The following CYB5RL variants were observed in gnomAD, a reference collection of about 807,000 sequenced individuals.
CYB5RL encodes the protein NADH-cytochrome b5 reductase-like.
A neutral mutation model predicts 37.5 loss-of-function variants in CYB5RL; 38 were observed. That is an observed-to-expected ratio of 1.01 (90% CI 0.78 to 1.33). The LOEUF (loss-of-function observed/expected upper bound fraction) is 1.33. Among genes scored for constraint, CYB5RL ranks in the 40% most tolerant of loss-of-function variants. CYB5RL has a pLI of 0.00. For missense variants in CYB5RL, 388 were observed against 394.4 expected, an observed-to-expected ratio of 0.98 and a Z score of 0.14; for synonymous variants, 141 against 151.9, an observed-to-expected ratio of 0.93 and a Z score of 0.53.
At chr1:54,180,608 A>C (rs891760650) in intron 6 of CYB5RL, among the ~76,000 whole-genome samples, 1 of 142,344 alleles carries the variant, frequency 7.0e-6, no homozygotes, top group Non-Finnish European at 1.5e-5. Flanking sequence ...CGTCTCAAAG[A>C]AAAAAAAAAA....
Position 54,174,582 on chromosome 1 carries a change from C to T in CYB5RL, c.*37G>A. The T allele has an allele frequency of 6.4e-7, 1 of 1,572,944 alleles. No homozygotes were observed. Among genetic ancestry groups the T allele is most frequent in the South Asian group, 1.2e-5 (1 of 85,772 alleles). On this transcript the variant is annotated 3_prime_UTR_variant, in exon 8 of 8. Coordinates refer to ENST00000534324, the MANE Select transcript of CYB5RL (RefSeq NM_001031672.4). ...TGTGCTCCTTCCTGGGTCCCAGTAG[C>T]AGGCTCATGGCCTAGGCTTTGGAAG...
rs572712747 is a variant in CYB5RL at position 54,197,920 on chromosome 1, C to T, written c.-222-1429G>A. Among the ~76,000 whole-genome samples the T allele has an allele frequency of 6.4e-3, 939 of 147,762 alleles. 9 individuals carry two copies. The highest frequency in any genetic ancestry group is 0.022 in the African/African-American group (892 of 39,862). ...GTGGGCACCCGTAGTCCCAGCTACT[C>T]GGGAGGCTGAGGCAGGAGAATGGCG... is the stretch of plus-strand genomic sequence containing the variant. On this transcript the variant is annotated intron_variant, in intron 1 of 7. Transcript: ENST00000534324.
intron 6 of CYB5RL, among the ~76,000 whole-genome samples, chr1:54,181,757 G>A (rs942738216): frequency 1.3e-5 from 2 of 152,180 alleles, no homozygotes; most frequent in Non-Finnish European, 2.9e-5. Flanking sequence ...TTTGAGACCA[G>A]CCTGGGCAAC....
At chr1:54,180,310 T>A in intron 6 of CYB5RL, 1 of 376,174 alleles carries the variant, frequency 2.7e-6, no homozygotes, top group Non-Finnish European at 5.1e-6. Flanking sequence ...CTGAATCTAT[T>A]TCCAGGCTCT....
chr1:54,198,016 A>G (rs1473306290), intron 1 of CYB5RL, among the ~76,000 whole-genome samples: 1 of 125,204 alleles, frequency 8.0e-6, no homozygotes, highest in African/African-American at 3.2e-5. Flanking sequence ...TGACAGAGTG[A>G]GACTCTGTCT....
At chr1:54,177,980 G>A (rs1054885828) in intron 7 of CYB5RL, among the ~76,000 whole-genome samples, 16 of 152,210 alleles carry the variant, frequency 1.1e-4, no homozygotes, top group Admixed American at 6.5e-4. Flanking sequence ...CAGGCTCTCA[G>A]GCAGGCTGCC....
chr1:54,184,350 C>A, intron 5 of CYB5RL, 85 bp from the exon 6 acceptor site: 1 of 1,142,960 alleles, frequency 8.7e-7, no homozygotes, highest in Non-Finnish European at 1.3e-6. Flanking sequence ...GGAGCCCGTT[C>A]TGTATGCTAA....
At chr1:54,179,059 T>C in intron 7 of CYB5RL, 90 bp downstream of exon 7, 1 of 1,457,128 alleles carries the variant, frequency 6.9e-7, no homozygotes, top group Non-Finnish European at 9.4e-7. Flanking sequence ...CAGCATCCAT[T>C]GCCAAAAGAG....
intron 3 of CYB5RL, among the ~76,000 whole-genome samples, chr1:54,192,845 T>C (rs973519292): frequency 6.6e-6 from 1 of 151,714 alleles, no homozygotes; most frequent in African/African-American, 2.4e-5. Context: ...AACCTCCACC[T>C]CCTGGTTCAA....
rs369076808 is a variant in CYB5RL at position 54,179,276 on chromosome 1, T to C, written c.617A>G (p.Asn206Ser). 24 of 1,613,774 alleles carry C rather than the reference T, an allele frequency of 1.5e-5. No individual in the cohort carries two copies. Among genetic ancestry groups the C allele is most frequent in the Non-Finnish European group, 1.7e-5 (20 of 1,179,858 alleles). The change falls in exon 7 of 8, where the codon AAT (asparagine) becomes AGT (serine). Residue 206 changes from asparagine (N) to serine (S), a missense_variant. Asn to Ser is a conservative substitution (Grantham distance 46). Coordinates refer to ENST00000534324, the MANE Select transcript of CYB5RL (RefSeq NM_001031672.4). ...AGTGACAAAAGTCTCGTCATTCTCA[T>C]TGTCTGTGATGCTCTGCAGGATAGG... ...MVPILQSITD[N>S]ENDETFVTLV...
chr1:54,199,753 ACT>A (rs1439747542), intron 1 of CYB5RL, among the ~76,000 whole-genome samples: 1 of 152,050 alleles, frequency 6.6e-6, no homozygotes, highest in Non-Finnish European at 1.5e-5. Context: ...CTTGGGGGAC[ACT>A]CTCACGCTCA....
intron 5 of CYB5RL, chr1:54,184,572 T>G (rs1161689381): frequency 4.3e-6 from 1 of 234,176 alleles, no homozygotes; most frequent in African/African-American, 2.2e-5. Context: ...AGTGAAGAAC[T>G]GGGTGATGAT....
chr1:54,187,002 G>A (rs1643906917), intron 5 of CYB5RL, among the ~76,000 whole-genome samples: 1 of 152,086 alleles, frequency 6.6e-6, no homozygotes, highest in South Asian at 2.1e-4. Flanking sequence ...CTGTGTATTA[G>A]GTTGACCCAC....
rs911385993 is a variant in CYB5RL at position 54,171,252 on chromosome 1, C to A, written c.*3367G>T. 2.2e-6 allele frequency: 1 copy of A among 455,994 alleles called. No homozygotes were observed. The highest frequency in any genetic ancestry group is 4.4e-6 in the Non-Finnish European group (1 of 226,786). 28.2% of individuals were successfully genotyped at this position (455,994 alleles called of 1,614,324 possible). A position where few individuals can be genotyped will look rare whatever the true frequency, so the allele number is the denominator to read the frequency against. Reference sequence around the variant, plus strand: ...GCAGCGAGTGTAAGGGATGAGCTGACGCAAGAGAACATGTTTGGAGCCTGA... The same window carrying A: ...GCAGCGAGTGTAAGGGATGAGCTGAAGCAAGAGAACATGTTTGGAGCCTGA... On this transcript the variant is annotated 3_prime_UTR_variant, in exon 8 of 8. Coordinates refer to ENST00000534324, the MANE Select transcript of CYB5RL (RefSeq NM_001031672.4).
chr1:54,184,330 C>T (rs1570107682), intron 5 of CYB5RL, 65 bp from the exon 6 acceptor site: 2 of 1,379,626 alleles, frequency 1.4e-6, no homozygotes, highest in Admixed American at 3.8e-5. Context: ...ACCAGATTAA[C>T]CATTAATGTG....
chr1:54,175,059 C>A (rs1201285601), intron 7 of CYB5RL, among the ~76,000 whole-genome samples: 1 of 152,026 alleles, frequency 6.6e-6, no homozygotes, highest in Non-Finnish European at 1.5e-5. Flanking sequence ...CTGTGGCACA[C>A]AATGAGGCGG....
intron 5 of CYB5RL, chr1:54,184,738 T>A (rs1046958208): frequency 6.5e-6 from 1 of 152,672 alleles, no homozygotes; most frequent in Non-Finnish European, 1.5e-5. Flanking sequence ...AATCTATTGA[T>A]TTTCCAAAAG....
chr1:54,182,728 T>C (rs527632303), intron 6 of CYB5RL, among the ~76,000 whole-genome samples: 2 of 152,266 alleles, frequency 1.3e-5, no homozygotes, highest in East Asian at 3.9e-4. Context: ...ATTTTTTGTA[T>C]TTTTAGTAGA....
intron 1 of CYB5RL, among the ~76,000 whole-genome samples, chr1:54,198,027 CAAAAAAAAAAA>C (rs575486117): frequency 2.9e-4 from 23 of 78,534 alleles, no homozygotes; most frequent in African/African-American, 8.6e-4. Context: ...GACTCTGTCT[CAAAAAAAAAAA>C]AAAAAAAAAA....
Sources: allele counts gnomAD v4.1 joint callset (sites outside exome capture counted in the v4.1 genomes callset), GRCh38; gene constraint gnomAD v4.1.1; transcripts MANE v1.5; gene names NCBI Gene and HGNC (gene_info 2026-07-23, HGNC 2026-07-21).